DLG2: variants seen among roughly 807,000 people sequenced by gnomAD.
DLG2 encodes disks large homolog 2.
Under a neutral mutation model 132.5 loss-of-function variants are expected in DLG2, and 45 were observed. The ratio of observed to expected loss-of-function variants is 0.34; its 90% CI spans 0.27 to 0.44. DLG2 has a LOEUF of 0.44. Among genes scored for constraint, DLG2 ranks in the 20% least tolerant of loss-of-function variants. The probability of loss-of-function intolerance (pLI) is 1.00; values close to 1 mark genes in which losing one functional copy is unlikely to be tolerated. For synonymous variants in DLG2, 424 were observed against 419.6 expected (o/e 1.01, Z -0.13); for missense variants, 1,045 against 1,196.9 (o/e 0.87, Z 1.87).
intron 18 of DLG2, among the ~76,000 whole-genome samples, chr11:83,774,568 T>A (rs922744400): frequency 1.3e-5 from 2 of 152,156 alleles, no homozygotes; most frequent in African/African-American, 4.8e-5. Flanking sequence ...GAATTCTTTT[T>A]TTTTTCTTCC....
chr11:85,079,478 C>A (rs1401393478), intron 6 of DLG2, among the ~76,000 whole-genome samples: 2 of 135,724 alleles, frequency 1.5e-5, no homozygotes, highest in Admixed American at 1.5e-4. Context: ...TTGGGGGAGG[C>A]TTAGAATTTT....
At chr11:84,390,023 T>C (rs1180204135) in intron 7 of DLG2, among the ~76,000 whole-genome samples, 2 of 152,194 alleles carry the variant, frequency 1.3e-5, no homozygotes, top group African/African-American at 4.8e-5. Flanking sequence ...ATACACTGTT[T>C]TTAATATTGC....
In DLG2 at chr11:85,219,819, C is replaced by T. The variant is rs768210570; in HGVS notation, c.187-65168G>A. Among the ~76,000 whole-genome samples, 43 of 151,154 alleles carry T rather than the reference C, an allele frequency of 2.8e-4. 1 individual carries two copies. Among genetic ancestry groups the T allele is most frequent in the Non-Finnish European group, 4.6e-4 (31 of 67,862 alleles). On this transcript the variant is annotated intron_variant, in intron 4 of 27. Transcript: ENST00000376104. ...GGTGGTCATGCACTTCAGGGAAATGCGATTTCACCTAGTACACTGTGTTTC... is the reference window on the plus strand; with the variant it reads ...GGTGGTCATGCACTTCAGGGAAATGTGATTTCACCTAGTACACTGTGTTTC...
At chr11:85,073,041 T>C (rs1342745797) in intron 6 of DLG2, among the ~76,000 whole-genome samples, 2 of 151,888 alleles carry the variant, frequency 1.3e-5, no homozygotes, top group Non-Finnish European at 2.9e-5. Context: ...GTATTTGTAT[T>C]CCATTAACTA....
chr11:84,887,654 G>A (rs535057751), intron 6 of DLG2, among the ~76,000 whole-genome samples: 1 of 152,188 alleles, frequency 6.6e-6, no homozygotes, highest in South Asian at 2.1e-4. Context: ...TCAAGCTGTG[G>A]AATAATAATA....
At chr11:83,652,201 G>A (rs2070757872) in intron 18 of DLG2, among the ~76,000 whole-genome samples, 1 of 152,196 alleles carries the variant, frequency 6.6e-6, no homozygotes, top group Non-Finnish European at 1.5e-5. Context: ...AGCAGCGACT[G>A]TAGATCATGC....
chr11:83,821,287 C>T (rs2050707071), intron 17 of DLG2, among the ~76,000 whole-genome samples: 1 of 152,134 alleles, frequency 6.6e-6, no homozygotes, highest in African/African-American at 2.4e-5. Flanking sequence ...TTAGAGGACG[C>T]TCATCGACTC....
At chr11:84,405,727 A>G (rs1051223979) in intron 7 of DLG2, among the ~76,000 whole-genome samples, 2 of 152,202 alleles carry the variant, frequency 1.3e-5, no homozygotes, top group African/African-American at 2.4e-5. Context: ...GGGGGAAAAA[A>G]AGCTAAAGAA....
chr11:83,790,851 TC>T, intron 17 of DLG2: 1 of 745,432 alleles, frequency 1.3e-6, no homozygotes, highest in Non-Finnish European at 2.4e-6. Flanking sequence ...AGAAGAACTG[TC>T]CAGACAATAG....
intron 6 of DLG2, among the ~76,000 whole-genome samples, chr11:84,921,649 C>T (rs1342097485): frequency 6.6e-6 from 1 of 152,106 alleles, no homozygotes; most frequent in East Asian, 1.9e-4. Context: ...CAATTGTTAT[C>T]TCTTTATCTA....
intron 7 of DLG2, among the ~76,000 whole-genome samples, chr11:84,362,091 A>C (rs1400388287): frequency 1.9e-4 from 29 of 151,958 alleles, no homozygotes; most frequent in Admixed American, 1.9e-3. Flanking sequence ...TTCAATTAAA[A>C]GGTAGAGATT....
intron 7 of DLG2, among the ~76,000 whole-genome samples, chr11:84,450,509 C>G (rs148328493): frequency 3.3e-5 from 5 of 150,244 alleles, no homozygotes; most frequent in African/African-American, 1.2e-4. Context: ...AAACACTGTA[C>G]CCATAATTAG....
rs184891585 is a variant in DLG2, at chr11:83,740,957, G to A, written c.1825+45733C>T. Among the ~76,000 whole-genome samples the A allele has an allele frequency of 2.2e-3, 342 of 152,176 alleles. 1 individual carries two copies. The highest frequency in any genetic ancestry group is 7.9e-3 in the African/African-American group (326 of 41,528). On this transcript the variant is annotated intron_variant, in intron 18 of 27. Coordinates refer to ENST00000376104, the MANE Select transcript of DLG2 (RefSeq NM_001142699.3). ...CAGAACATCAAAAAGTTAATTTACC[G>A]TGATCAAGTAGGCATTTTCCTGCGA...
chr11:85,122,957 A>ATAT (rs796425259), intron 5 of DLG2, among the ~76,000 whole-genome samples: 1,310 of 43,042 alleles, frequency 0.03, 58 homozygotes, highest in East Asian at 0.1. Flanking sequence ...TATTATATAT[A>ATAT]TATATATATA....
chr11:84,913,984 T>C (rs1250839862), intron 6 of DLG2, among the ~76,000 whole-genome samples: 1 of 152,228 alleles, frequency 6.6e-6, no homozygotes, highest in African/African-American at 2.4e-5. Context: ...CCAGGCTCAC[T>C]GTAAACTCCT....
chr11:83,999,290 G>C (rs2094209648), intron 11 of DLG2, among the ~76,000 whole-genome samples: 1 of 152,144 alleles, frequency 6.6e-6, no homozygotes, highest in Non-Finnish European at 1.5e-5. Context: ...ATGTGCTTGA[G>C]ATTGGGTCTA....
intron 18 of DLG2, among the ~76,000 whole-genome samples, chr11:83,705,693 C>T (rs914649116): frequency 2.0e-5 from 3 of 151,714 alleles, no homozygotes; most frequent in Admixed American, 6.6e-5. Context: ...AAAGTAGAAA[C>T]GTTTACAGTT....
At chr11:84,168,277 A>C (rs1166473098) in intron 8 of DLG2, among the ~76,000 whole-genome samples, 1 of 152,260 alleles carries the variant, frequency 6.6e-6, no homozygotes, top group Non-Finnish European at 1.5e-5. Flanking sequence ...GCCACATGCA[A>C]GGTATGTGCA....
rs1284463327 is a variant in DLG2 at position 83,637,948 on chromosome 11, G to A, written c.1826-4623C>T. 2.6e-5 allele frequency among the ~76,000 whole-genome samples: 4 copies of A among 152,288 alleles called. No homozygotes were observed. The South Asian group carries it at 6.2e-4, about 24-fold the overall frequency. ...CAGGAAAATTAAGCATGATCATGCC[G>A]AGGTATAAAACAATATTAAAATTGC... On this transcript the variant is annotated intron_variant, in intron 18 of 27. Coordinates refer to ENST00000376104, the MANE Select transcript of DLG2 (RefSeq NM_001142699.3).
Sources: allele counts gnomAD v4.1 joint callset (sites outside exome capture counted in the v4.1 genomes callset), GRCh38; gene constraint gnomAD v4.1.1; transcripts MANE v1.5; gene names NCBI Gene and HGNC (gene_info 2026-07-23, HGNC 2026-07-21).